KIZ: variants seen among roughly 807,000 people sequenced by gnomAD.
KIZ encodes kizuna centrosomal protein.
In KIZ, 68 loss-of-function variants were observed where a neutral mutation model predicts 79.6. The observed-to-expected ratio is 0.85, with a 90% confidence interval of 0.70 to 1.05. The LOEUF is 1.05. Ranked by LOEUF, KIZ falls within the 50% of genes least tolerant of loss-of-function variation. The pLI is 0.00. For synonymous variants in KIZ, 280 were observed against 281.8 expected, an observed-to-expected ratio of 0.99 and a Z score of 0.06; for missense variants, 797 against 800.4, an observed-to-expected ratio of 1.00 and a Z score of 0.05.
At chr20:21,164,338 A>G (rs2033832470) in intron 6 of KIZ, among the ~76,000 whole-genome samples, 1 of 152,234 alleles carries the variant, frequency 6.6e-6, no homozygotes, top group African/African-American at 2.4e-5. Flanking sequence ...ATCCAAGTAC[A>G]GAGTTCTTGC....
intron 4 of KIZ, among the ~76,000 whole-genome samples, chr20:21,154,709 T>C (rs2033289110): frequency 6.6e-6 from 1 of 152,246 alleles, no homozygotes; most frequent in South Asian, 2.1e-4. Context: ...ATTATTCCTG[T>C]GTCAACAATA....
At chr20:21,145,466 C>T in intron 3 of KIZ, 99 bp from the exon 4 acceptor site, 1 of 429,156 alleles carries the variant, frequency 2.3e-6, no homozygotes. Context: ...CTTTTACTTT[C>T]TACTTCAATG....
At chr20:21,211,185 A>G (rs2036053432) in intron 7 of KIZ, among the ~76,000 whole-genome samples, 1 of 152,226 alleles carries the variant, frequency 6.6e-6, no homozygotes, top group Non-Finnish European at 1.5e-5. Flanking sequence ...GAGCAAGATT[A>G]ATATTTAAAC....
At chr20:21,181,259 C>T (rs529789656) in intron 6 of KIZ, among the ~76,000 whole-genome samples, 6 of 152,280 alleles carry the variant, frequency 3.9e-5, no homozygotes, top group Middle Eastern at 6.8e-3. Context: ...CTCTCCAGTC[C>T]GCACACAAGA....
intron 4 of KIZ, among the ~76,000 whole-genome samples, chr20:21,157,915 G>A (rs1039248637): frequency 6.6e-6 from 1 of 152,062 alleles, no homozygotes; most frequent in Admixed American, 6.6e-5. Flanking sequence ...AAAATTAAAG[G>A]CTTCTCAGAC....
intron 6 of KIZ, among the ~76,000 whole-genome samples, chr20:21,170,320 T>C (rs542830922): frequency 6.6e-6 from 1 of 152,312 alleles, no homozygotes; most frequent in East Asian, 1.9e-4. Context: ...TTTTGGTTAT[T>C]TTTAAATGTA....
intron 6 of KIZ, among the ~76,000 whole-genome samples, chr20:21,165,120 C>A (rs1203584664): frequency 6.6e-6 from 1 of 152,090 alleles, no homozygotes; most frequent in African/African-American, 2.4e-5. Context: ...CTAAACAGTT[C>A]AATATTTCAA....
intron 6 of KIZ, among the ~76,000 whole-genome samples, chr20:21,193,112 A>G (rs1409430844): frequency 6.6e-6 from 1 of 152,182 alleles, no homozygotes. Context: ...GCTTCAGCCC[A>G]GCATTTCAAA....
intron 6 of KIZ, among the ~76,000 whole-genome samples, chr20:21,174,562 C>A (rs888415496): frequency 6.6e-6 from 1 of 152,204 alleles, no homozygotes; most frequent in Non-Finnish European, 1.5e-5. Flanking sequence ...TGACCTCTTA[C>A]TCCGTCCATA....
intron 9 of KIZ, among the ~76,000 whole-genome samples, chr20:21,224,596 T>A (rs2036603148): frequency 6.6e-6 from 1 of 152,224 alleles, no homozygotes; most frequent in African/African-American, 2.4e-5. Context: ...CAAGGTCGGT[T>A]TTTTAGCTGT....
At chr20:21,151,437 T>G (rs1340383263) in intron 4 of KIZ, 4 of 151,858 alleles carry the variant, frequency 2.6e-5, no homozygotes, top group Non-Finnish European at 4.4e-5. Context: ...AGTGAGAAAA[T>G]CGTATTCACA....
At chr20:21,190,738 CA>C (rs1600494617) in intron 6 of KIZ, among the ~76,000 whole-genome samples, 2 of 152,232 alleles carry the variant, frequency 1.3e-5, no homozygotes, top group African/African-American at 4.8e-5. Flanking sequence ...TTGTAAGTAG[CA>C]AATTTCCTTG....
At chr20:21,178,093 T>C (rs2122879290) in intron 6 of KIZ, among the ~76,000 whole-genome samples, 1 of 152,256 alleles carries the variant, frequency 6.6e-6, no homozygotes, top group Middle Eastern at 3.4e-3. Context: ...ATTTTAGTCT[T>C]GTTTTTTTAT....
intron 9 of KIZ, among the ~76,000 whole-genome samples, chr20:21,221,663 A>C (rs1285514742): frequency 6.6e-6 from 1 of 152,190 alleles, no homozygotes; most frequent in East Asian, 1.9e-4. Flanking sequence ...TAAGACATCC[A>C]TTTAGAGTCT....
At chr20:21,206,577 G>T (rs533385226) in intron 7 of KIZ, among the ~76,000 whole-genome samples, 26 of 152,226 alleles carry the variant, frequency 1.7e-4, no homozygotes, top group Non-Finnish European at 2.9e-4. Context: ...TGAAGCATGG[G>T]CTCAAGTCTG....
chr20:21,229,402 C>T (rs372202125), intron 10 of KIZ, among the ~76,000 whole-genome samples: 3 of 152,232 alleles, frequency 2.0e-5, no homozygotes, highest in Middle Eastern at 3.2e-3. Flanking sequence ...CCTGAGAAGA[C>T]ACACCCAAAT....
At chr20:21,209,821 A>G (rs1045603165) in intron 7 of KIZ, among the ~76,000 whole-genome samples, 10 of 152,262 alleles carry the variant, frequency 6.6e-5, no homozygotes, top group African/African-American at 1.9e-4. Flanking sequence ...ACTGGTTTGC[A>G]TATAGAAGGG....
At chr20:21,180,189 C>T (rs955514588) in intron 6 of KIZ, among the ~76,000 whole-genome samples, 2 of 148,180 alleles carry the variant, frequency 1.3e-5, no homozygotes, top group African/African-American at 4.9e-5. Flanking sequence ...TGTATTTCTC[C>T]TCATTTTCAA....
chr20:21,175,117 C>A (rs998407279), intron 6 of KIZ, among the ~76,000 whole-genome samples: 5 of 152,126 alleles, frequency 3.3e-5, no homozygotes, highest in African/African-American at 1.2e-4. Context: ...TCCTTTGTTC[C>A]CAAAGTAAGG....
Sources: gnomAD v4.1 joint callset for allele counts (sites outside exome capture counted in the v4.1 genomes callset) on GRCh38, gnomAD v4.1.1 for gene constraint, MANE v1.5 for transcripts, NCBI Gene and HGNC (gene_info 2026-07-23, HGNC 2026-07-21) for gene names.